FAM135B: variants seen among roughly 807,000 people sequenced by gnomAD.
The protein encoded by FAM135B is protein FAM135B.
In FAM135B, 43 loss-of-function variants were observed where a neutral mutation model predicts 127.7. The observed-to-expected ratio is 0.34, with a 90% CI of 0.26 to 0.43. The LOEUF is 0.43. Among genes scored for constraint, FAM135B ranks in the 20% least tolerant of loss-of-function variants. The pLI, the probability that FAM135B is intolerant of heterozygous loss-of-function variation, is 1.00. For missense variants in FAM135B, 1,558 were observed against 1,725.6 expected (o/e 0.90, Z 1.72); for synonymous variants, 670 against 665.1 (o/e 1.01, Z -0.11).
At chr8:138,135,653 C>T (rs1391800800) in intron 19 of FAM135B, among the ~76,000 whole-genome samples, 1 of 152,012 alleles carries the variant, frequency 6.6e-6, no homozygotes, top group Non-Finnish European at 1.5e-5. Context: ...TTAACATTTT[C>T]CTCCAATAAT....
At chr8:138,321,223 A>G (rs1307283534) in intron 2 of FAM135B, among the ~76,000 whole-genome samples, 1 of 152,154 alleles carries the variant, frequency 6.6e-6, no homozygotes, top group Non-Finnish European at 1.5e-5. Context: ...TGGGCATGGC[A>G]TGATGCTCAA....
At chr8:138,273,081 T>C (rs1395243590) in intron 3 of FAM135B, among the ~76,000 whole-genome samples, 1 of 152,220 alleles carries the variant, frequency 6.6e-6, no homozygotes, top group Non-Finnish European at 1.5e-5. Context: ...ATGGAGTGAA[T>C]AAACATGCTG....
At chr8:138,326,941 A>T (rs1208420214) in intron 2 of FAM135B, among the ~76,000 whole-genome samples, 1 of 152,134 alleles carries the variant, frequency 6.6e-6, no homozygotes, top group African/African-American at 2.4e-5. Context: ...TTGCTAATGG[A>T]AAGTAGACAC....
At chr8:138,349,258 C>G (rs1415377675) in intron 2 of FAM135B, among the ~76,000 whole-genome samples, 1 of 152,124 alleles carries the variant, frequency 6.6e-6, no homozygotes, top group Non-Finnish European at 1.5e-5. Context: ...GAATAGGGAC[C>G]CAGAACATGT....
At chr8:138,205,226 A>C (rs1817464985) in intron 7 of FAM135B, among the ~76,000 whole-genome samples, 1 of 152,198 alleles carries the variant, frequency 6.6e-6, no homozygotes. Context: ...ACTCACACCC[A>C]TTTTGGAGAG....
chr8:138,228,100 T>A (rs975735133), intron 7 of FAM135B, among the ~76,000 whole-genome samples: 7 of 152,174 alleles, frequency 4.6e-5, no homozygotes, highest in Non-Finnish European at 1.0e-4. Context: ...ATGTGTGCAT[T>A]GTCTGTAGCT....
At chr8:138,215,142 T>A (rs920774432) in intron 7 of FAM135B, among the ~76,000 whole-genome samples, 1 of 152,182 alleles carries the variant, frequency 6.6e-6, no homozygotes, top group African/African-American at 2.4e-5. Context: ...ATTAAATATC[T>A]AGAGTCTAAC....
chr8:138,156,890 C>T (rs959323793), intron 12 of FAM135B, among the ~76,000 whole-genome samples: 2 of 152,174 alleles, frequency 1.3e-5, no homozygotes, highest in Non-Finnish European at 2.9e-5. Context: ...GGTACCATTC[C>T]TTCTGAAACT....
intron 3 of FAM135B, among the ~76,000 whole-genome samples, 159 bp from the exon 4 acceptor site, chr8:138,266,001 T>A (rs2130635798): frequency 6.6e-6 from 1 of 152,306 alleles, no homozygotes; most frequent in East Asian, 1.9e-4. Flanking sequence ...ACCATATGAA[T>A]GTTTCTGTTT....
chr8:138,496,364 A>C (rs1055255265), intron 1 of FAM135B, among the ~76,000 whole-genome samples: 1 of 152,104 alleles, frequency 6.6e-6, no homozygotes, highest in African/African-American at 2.4e-5. Flanking sequence ...AAGGACCCCA[A>C]TGGCCAAGGT....
chr8:138,288,416 G>A (rs1353974890), intron 3 of FAM135B, among the ~76,000 whole-genome samples: 1 of 152,178 alleles, frequency 6.6e-6, no homozygotes, highest in Non-Finnish European at 1.5e-5. Context: ...AGGGAAGTGT[G>A]CAGGGCAAGG....
chr8:138,182,506 C>T (rs1815148963), intron 9 of FAM135B, among the ~76,000 whole-genome samples: 1 of 152,202 alleles, frequency 6.6e-6, no homozygotes, highest in Non-Finnish European at 1.5e-5. Flanking sequence ...CCTTGCTCTG[C>T]CAACTGAGTG....
chr8:138,414,127 T>TATATATATATATATATATATAC, intron 1 of FAM135B, among the ~76,000 whole-genome samples: 1 of 148,622 alleles, frequency 6.7e-6, no homozygotes, highest in Admixed American at 6.7e-5. Flanking sequence ...TACATATATA[T>TATATATATATATATATATATAC]ATATATATAT....
At chr8:138,445,765 A>G (rs1047993263) in intron 1 of FAM135B, among the ~76,000 whole-genome samples, 1 of 152,198 alleles carries the variant, frequency 6.6e-6, no homozygotes, top group African/African-American at 2.4e-5. Context: ...GCCCTCTCTC[A>G]CCACTCCTAT....
At chr8:138,302,403 T>C (rs187932960) in intron 3 of FAM135B, among the ~76,000 whole-genome samples, 49 of 152,258 alleles carry the variant, frequency 3.2e-4, no homozygotes, top group Middle Eastern at 3.4e-3. Flanking sequence ...TTAAAACTCA[T>C]TGTACTGGGT....
intron 7 of FAM135B, among the ~76,000 whole-genome samples, chr8:138,235,666 CT>C (rs1820219414): frequency 1.3e-5 from 2 of 152,180 alleles, no homozygotes; most frequent in Non-Finnish European, 2.9e-5. Flanking sequence ...CCTCCCCACC[CT>C]GCCCTGCCAG....
intron 7 of FAM135B, among the ~76,000 whole-genome samples, chr8:138,205,114 A>T (rs2129683934): frequency 6.6e-6 from 1 of 152,348 alleles, no homozygotes; most frequent in East Asian, 1.9e-4. Context: ...ATCATAAAAA[A>T]CAGCTAACAC....
At chr8:138,197,075 ATGTG>A (rs6150843) in intron 8 of FAM135B, among the ~76,000 whole-genome samples, 2,662 of 132,362 alleles carry the variant, frequency 0.02, 77 homozygotes, top group African/African-American at 0.06. Flanking sequence ...ATGTATGCAT[ATGTG>A]TGTGTGTGTG....
At chr8:138,260,986 G>A (rs180805776) in intron 4 of FAM135B, among the ~76,000 whole-genome samples, 1 of 152,130 alleles carries the variant, frequency 6.6e-6, no homozygotes, top group East Asian at 1.9e-4. Flanking sequence ...TAGCAACAAT[G>A]CTTTCTTTCC....
Sources: allele counts gnomAD v4.1 joint callset (sites outside exome capture counted in the v4.1 genomes callset), GRCh38; gene constraint gnomAD v4.1.1; transcripts MANE v1.5; gene names NCBI Gene and HGNC (gene_info 2026-07-23, HGNC 2026-07-21).